Variants in GDPD1 observed in about 807,000 individuals in gnomAD.
GDPD1 encodes the protein lysophospholipase D GDPD1.
In GDPD1, 28 loss-of-function variants were observed where a neutral mutation model predicts 45.1. The observed-to-expected ratio is 0.62, with a 90% CI of 0.46 to 0.85. The LOEUF (loss-of-function observed/expected upper bound fraction) is 0.85. Among genes scored for constraint, GDPD1 ranks in the 40% least tolerant of loss-of-function variants. GDPD1 has a pLI of 0.00. For synonymous variants in GDPD1, 139 were observed against 131.4 expected (o/e 1.06, Z -0.40); for missense variants, 256 against 364.8 (o/e 0.70, Z 2.43).
intron 4 of GDPD1, among the ~76,000 whole-genome samples, chr17:59,252,384 G>A (rs1318330982): frequency 2.0e-5 from 3 of 151,434 alleles, no homozygotes; most frequent in East Asian, 4.0e-4. Flanking sequence ...GATTACAGGT[G>A]CCCGCCACCA....
At chr17:59,237,626 A>T (rs1028767089) in intron 2 of GDPD1, among the ~76,000 whole-genome samples, 2 of 152,152 alleles carry the variant, frequency 1.3e-5, no homozygotes, top group African/African-American at 4.8e-5. Flanking sequence ...TTCACAAAGC[A>T]TATAAATTTC....
At chr17:59,269,485 C>CA (rs893597919) in intron 7 of GDPD1, among the ~76,000 whole-genome samples, 3 of 141,908 alleles carry the variant, frequency 2.1e-5, no homozygotes, top group Non-Finnish European at 4.7e-5. Flanking sequence ...ACCCCCCCCC[C>CA]CAAAAAACAC....
Position 59,274,830 on chromosome 17 carries a change from C to T in GDPD1, c.*1057C>T, listed in dbSNP as rs2047470033. Among the ~76,000 whole-genome samples the T allele has an allele frequency of 6.6e-6, 1 of 150,384 alleles. No homozygotes were observed. Among genetic ancestry groups the T allele is most frequent in the South Asian group, 2.1e-4 (1 of 4,758 alleles). ...GCAATAGTCTTCACTGGAATACAATCAATTAGTAAAAGATTTTTTTTTTTT... is the reference window on the plus strand; with the variant it reads ...GCAATAGTCTTCACTGGAATACAATTAATTAGTAAAAGATTTTTTTTTTTT... On this transcript the variant is annotated 3_prime_UTR_variant, in exon 10 of 10. Coordinates refer to ENST00000284116, the MANE Select transcript of GDPD1 (RefSeq NM_182569.4).
rs117873290 is a variant in GDPD1 at position 59,232,921 on chromosome 17, C to G, written c.143-1571C>G. Among the ~76,000 whole-genome samples, 1,319 of 152,108 alleles carry G rather than the reference C, an allele frequency of 8.7e-3. 9 individuals carry two copies. Among genetic ancestry groups the G allele is most frequent in the Middle Eastern group, 0.024 (7 of 294 alleles). On this transcript the variant is annotated intron_variant, in intron 1 of 9. Coordinates refer to ENST00000284116, the MANE Select transcript of GDPD1 (RefSeq NM_182569.4). ...TAACAGTGTATGGTAATTTTTTAAT[C>G]AAAACACAGTGAGGCTGGATGCAGT... is the stretch of plus-strand genomic sequence containing the variant.
chr17:59,270,845 G>T, intron 7 of GDPD1, 91 bp from the exon 8 acceptor site: 1 of 789,996 alleles, frequency 1.3e-6, no homozygotes. Flanking sequence ...AAAGTACAAG[G>T]CACTGTTTTC....
At chr17:59,251,590 G>C (rs1358949361) in intron 4 of GDPD1, among the ~76,000 whole-genome samples, 1 of 151,880 alleles carries the variant, frequency 6.6e-6, no homozygotes. Context: ...TCAGACATCT[G>C]AAAGAAATAA....
intron 4 of GDPD1, among the ~76,000 whole-genome samples, chr17:59,255,829 G>GTA (rs373837193): frequency 2.0e-5 from 1 of 50,882 alleles, no homozygotes; most frequent in East Asian, 4.4e-4. Context: ...ATATATATAC[G>GTA]CGTATATATA....
chr17:59,235,815 TCA>T (rs1491188189), intron 2 of GDPD1, among the ~76,000 whole-genome samples: 19 of 121,582 alleles, frequency 1.6e-4, no homozygotes, highest in Non-Finnish European at 2.1e-4. Context: ...AGACTCTATC[TCA>T]AAAAAAAAAA....
intron 3 of GDPD1, among the ~76,000 whole-genome samples, chr17:59,246,928 T>G (rs1262095674): frequency 6.6e-6 from 1 of 151,128 alleles, no homozygotes; most frequent in Non-Finnish European, 1.5e-5. Context: ...CCACCATGCC[T>G]GGCTAATTTT....
chr17:59,248,600 G>A, intron 3 of GDPD1, 140 bp from the exon 4 acceptor site: 3 of 573,134 alleles, frequency 5.2e-6, no homozygotes, highest in Non-Finnish European at 9.2e-6. Flanking sequence ...TGCTGTTGGG[G>A]ATGTTCTGCT....
intron 2 of GDPD1, among the ~76,000 whole-genome samples, chr17:59,244,450 C>A (rs184618193): frequency 6.6e-6 from 1 of 152,136 alleles, no homozygotes; most frequent in Admixed American, 6.6e-5. Context: ...CCCGCCTTGG[C>A]CTCCCAAAGT....
In GDPD1 at chr17:59,275,890, G is replaced by C. The variant is rs752902436; in HGVS notation, c.*2117G>C. On this transcript the variant is annotated 3_prime_UTR_variant, in exon 10 of 10. Transcript: ENST00000284116. ...AATGAAACTGCTATGAAGAATGACT[G>C]TACTCTCCTATCTGTCCCTGGATGA... 1 of 152,132 alleles carries C rather than the reference G, an allele frequency of 6.6e-6. No homozygotes were observed. Among genetic ancestry groups the C allele is most frequent in the Non-Finnish European group, 1.5e-5 (1 of 68,006 alleles). The allele number at this position is 152,132 out of a possible 1,614,324, so 9.4% of individuals were successfully genotyped here.
At chr17:59,231,036 G>A (rs1024289772) in intron 1 of GDPD1, among the ~76,000 whole-genome samples, 18 of 152,124 alleles carry the variant, frequency 1.2e-4, no homozygotes, top group African/African-American at 3.6e-4. Flanking sequence ...TTACCAGTCC[G>A]TTATGCTACC....
chr17:59,225,169 G>A (rs1237408665), intron 1 of GDPD1, among the ~76,000 whole-genome samples: 7 of 140,594 alleles, frequency 5.0e-5, no homozygotes, highest in African/African-American at 1.9e-4. Context: ...TCGGCTCACT[G>A]CAACCTCCAC....
chr17:59,275,555 A>T lies in GDPD1; in HGVS notation c.*1782A>T, dbSNP rs2047474838. On this transcript the variant is annotated 3_prime_UTR_variant, in exon 10 of 10. Coordinates refer to ENST00000284116, the MANE Select transcript of GDPD1 (RefSeq NM_182569.4). ...TTTTTGGCACTGACTAACTGAGCCT[A>T]CATCTAGATTTTAAATACCATCTTG... The T allele has an allele frequency of 5.6e-6, 1 of 179,612 alleles. No individual in the cohort carries two copies. Among genetic ancestry groups the T allele is most frequent in the South Asian group, 1.2e-4 (1 of 8,448 alleles). 11.1% of individuals were successfully genotyped at this position (179,612 alleles called of 1,614,324 possible). A position where few individuals can be genotyped will look rare whatever the true frequency, so the allele number is the denominator to read the frequency against.
At chr17:59,260,585 T>C (rs778668552) in intron 6 of GDPD1, among the ~76,000 whole-genome samples, 3 of 152,074 alleles carry the variant, frequency 2.0e-5, no homozygotes, top group Non-Finnish European at 2.9e-5. Context: ...TTTAAAATGA[T>C]AGTTAAACCT....
chr17:59,269,554 G>T (rs1463421821), intron 7 of GDPD1, among the ~76,000 whole-genome samples: 4 of 150,884 alleles, frequency 2.7e-5, no homozygotes, highest in African/African-American at 7.3e-5. Context: ...CTGGGCCAGG[G>T]GCTCCTGCCT....
chr17:59,249,840 C>T (rs985050178), intron 4 of GDPD1, among the ~76,000 whole-genome samples: 2 of 152,048 alleles, frequency 1.3e-5, no homozygotes, highest in African/African-American at 4.8e-5. Context: ...AATGTCAGCT[C>T]CATTTATATT....
At chr17:59,248,241 G>A (rs915449378) in intron 3 of GDPD1, among the ~76,000 whole-genome samples, 19 of 151,922 alleles carry the variant, frequency 1.3e-4, no homozygotes, top group African/African-American at 3.9e-4. Flanking sequence ...CAAGGCTACA[G>A]TGAGGTGTAA....
Sources: gnomAD v4.1 joint callset for allele counts (sites outside exome capture counted in the v4.1 genomes callset) on GRCh38, gnomAD v4.1.1 for gene constraint, MANE v1.5 for transcripts, NCBI Gene and HGNC (gene_info 2026-07-23, HGNC 2026-07-21) for gene names.